The following USP34 variants were observed in gnomAD, a reference collection of about 807,000 sequenced individuals.
USP34 encodes ubiquitin specific peptidase 34, also known as ubiquitin carboxyl-terminal hydrolase 34.
Under a neutral mutation model 460.3 loss-of-function variants are expected in USP34, and 70 were observed. That is an observed-to-expected ratio of 0.15 (90% CI 0.13 to 0.19). USP34 has a LOEUF of 0.19. Among genes scored for constraint, USP34 ranks in the 10% least tolerant of loss-of-function variants. The pLI is 1.00. For synonymous variants in USP34, 1,647 were observed against 1,405.3 expected, an observed-to-expected ratio of 1.17 and a Z score of -3.85; for missense variants, 3,985 against 4,236.2, an observed-to-expected ratio of 0.94 and a Z score of 1.65.
intron 44 of USP34, among the ~76,000 whole-genome samples, chr2:61,258,917 A>G (rs1224216331): frequency 6.6e-6 from 1 of 152,228 alleles, no homozygotes; most frequent in African/African-American, 2.4e-5. Context: ...AACAGAATGT[A>G]GACAACTGAG....
At chr2:61,245,567 C>T (rs981222114) in intron 50 of USP34, among the ~76,000 whole-genome samples, 12 of 151,180 alleles carry the variant, frequency 7.9e-5, no homozygotes, top group Admixed American at 1.3e-4. Flanking sequence ...TAACATGTAA[C>T]GCTATTAGGA....
chr2:61,240,595 A>G (rs1336957010), intron 53 of USP34, among the ~76,000 whole-genome samples: 1 of 140,982 alleles, frequency 7.1e-6, no homozygotes, highest in African/African-American at 2.7e-5. Context: ...TTTTTTTGAG[A>G]CAGAGTTTTG....
chr2:61,394,879 G>T lies in USP34; in HGVS notation c.727C>A (p.His243Asn). The T allele has an allele frequency of 1.3e-6, 2 of 1,593,016 alleles. No homozygotes were observed. Among genetic ancestry groups the T allele is most frequent in the South Asian group, 1.2e-5 (1 of 86,016 alleles). Residue 243 changes from histidine (H) to asparagine (N), a missense_variant, in exon 5 of 80, where the codon CAT becomes AAT. Physicochemically the swap from His to Asn is moderately conservative, Grantham distance 68 (BLOSUM62 1). Around this residue, in one of 14 missense-constraint regions of USP34, gnomAD observed 331 missense variants for 293.7 expected, o/e 1.13. Transcript: ENST00000398571. ...TPETLPFLIA[H>N]AFITVVSNIR... ...TTAGACACAACTGTAATAAACGCATGTGCTATAAGAAATGGCAAAGTTTCA... is the reference window on the plus strand; with the variant it reads ...TTAGACACAACTGTAATAAACGCATTTGCTATAAGAAATGGCAAAGTTTCA...
At chr2:61,269,158 T>C (rs373637820) in intron 41 of USP34, among the ~76,000 whole-genome samples, 7 of 152,008 alleles carry the variant, frequency 4.6e-5, no homozygotes. Context: ...TTTAGCTAAG[T>C]AAAATTTCAG....
chr2:61,385,109 AAAT>A (rs1335004805), intron 5 of USP34, among the ~76,000 whole-genome samples: 4 of 152,144 alleles, frequency 2.6e-5, no homozygotes, highest in African/African-American at 9.7e-5. Flanking sequence ...TCCTGAGAAC[AAAT>A]AATACAGTTT....
chr2:61,333,482 G>T (rs930330159), intron 19 of USP34, among the ~76,000 whole-genome samples: 2 of 152,040 alleles, frequency 1.3e-5, no homozygotes, highest in Non-Finnish European at 2.9e-5. Flanking sequence ...TACTCAACCT[G>T]TAATAAGGTA....
At position 61,301,284 on chromosome 2, in the gene USP34, A is replaced by G. The variant is rs966932996; in HGVS notation, c.3918+70T>C. The stretch of plus-strand genomic sequence containing the variant: ...AAGCAATAAGAGCTGTTTTTAAACT[A>G]CATCTGCGACTATTCAACTGATGAT... On this transcript the variant is annotated intron_variant, in intron 28 of 79. Transcript: ENST00000398571. 1.0e-5 allele frequency: 16 copies of G among 1,539,132 alleles called. 1 individual carries two copies. The highest frequency in any genetic ancestry group is 6.9e-5 in the African/African-American group (5 of 72,464).
chr2:61,286,481 C>G (rs766710829), intron 34 of USP34, among the ~76,000 whole-genome samples: 41 of 152,218 alleles, frequency 2.7e-4, no homozygotes, highest in Non-Finnish European at 5.3e-4. Flanking sequence ...GATGGCAAAA[C>G]CCCGTCTCTA....
At chr2:61,354,581 C>A (rs998375878) in intron 10 of USP34, among the ~76,000 whole-genome samples, 8 of 152,152 alleles carry the variant, frequency 5.3e-5, no homozygotes, top group Non-Finnish European at 1.0e-4. Context: ...TCCAGCCTCC[C>A]GCTGCTCAAT....
intron 1 of USP34, among the ~76,000 whole-genome samples, chr2:61,453,241 T>C (rs1274762661): frequency 2.6e-5 from 4 of 151,930 alleles, no homozygotes; most frequent in South Asian, 4.1e-4. Context: ...TGAAACCCCA[T>C]CTGTACTAAA....
intron 1 of USP34, among the ~76,000 whole-genome samples, chr2:61,468,118 G>A (rs924262871): frequency 6.6e-6 from 1 of 152,012 alleles, no homozygotes; most frequent in Non-Finnish European, 1.5e-5. Flanking sequence ...CCACGGATAA[G>A]CAAAGAACTA....
At position 61,229,636 on chromosome 2, in the gene USP34, G is replaced by A. The variant is rs767815857; in HGVS notation, c.7114-3C>T. On this transcript the variant is annotated splice_polypyrimidine_tract_variant and splice_region_variant and intron_variant, in intron 58 of 79. Coordinates refer to ENST00000398571, the MANE Select transcript of USP34 (RefSeq NM_014709.4). ...TGGATACACAAACGCTGAAACATCT[G>A]TGAAGAAAGAAAAAGATCAAACAAG... The A allele has an allele frequency of 6.2e-7, 1 of 1,609,972 alleles. No homozygotes were observed. The highest frequency in any genetic ancestry group is 2.2e-5 in the East Asian group (1 of 44,786).
Position 61,206,777 on chromosome 2 carries a change from G to T in USP34, c.9029C>A (p.Pro3010His). 6.2e-7 allele frequency: 1 copy of T among 1,613,586 alleles called. No individual in the cohort carries two copies. The highest frequency in any genetic ancestry group is 8.5e-7 in the Non-Finnish European group (1 of 1,179,714). Residue 3010 changes from proline (P) to histidine (H), a missense_variant, in exon 71 of 80, where the codon CCT becomes CAT. By Grantham distance (77) the Pro-to-His change is moderately conservative (BLOSUM62 -2). Around this residue, in one of 14 missense-constraint regions of USP34, gnomAD observed 275 missense variants for 292.7 expected, o/e 0.94. Transcript: ENST00000398571. ...GAGCAAACCTTTTCTCTGAAGATAA[G>T]GGCGTGTAGACTTCAAAACCGAAAG... ...IFLSVLKSTR[P>H]YLQRKDVKQA...
At chr2:61,466,160 C>A (rs1695756677) in intron 1 of USP34, among the ~76,000 whole-genome samples, 1 of 152,140 alleles carries the variant, frequency 6.6e-6, no homozygotes, top group Non-Finnish European at 1.5e-5. Flanking sequence ...CATGGTGGCT[C>A]ATGCCTATAA....
chr2:61,282,294 T>A (rs1281894676), intron 37 of USP34, among the ~76,000 whole-genome samples: 1 of 152,176 alleles, frequency 6.6e-6, no homozygotes, highest in Non-Finnish European at 1.5e-5. Context: ...CTAATATTAT[T>A]AGACAACGCA....
intron 65 of USP34, 182 bp from the exon 66 acceptor site, chr2:61,221,788 A>T (rs923574128): frequency 4.2e-6 from 2 of 479,596 alleles, no homozygotes; most frequent in African/African-American, 2.0e-5. Context: ...GAGGGGTACA[A>T]AGTCAACCGG....
At chr2:61,378,478 TTTGTC>T in intron 7 of USP34, 54 bp from the exon 8 acceptor site, 1 of 1,240,352 alleles carries the variant, frequency 8.1e-7, no homozygotes. Flanking sequence ...TATTCTTGCA[TTTGTC>T]AGCAAATACT....
intron 37 of USP34, among the ~76,000 whole-genome samples, chr2:61,281,613 ATAAT>A (rs942510618): frequency 3.3e-5 from 5 of 152,248 alleles, no homozygotes; most frequent in African/African-American, 9.6e-5. Flanking sequence ...CCTCATAAAA[ATAAT>A]TAATAAATAT....
chr2:61,417,313 T>C, intron 2 of USP34: 1 of 718,466 alleles, frequency 1.4e-6, no homozygotes, highest in Non-Finnish European at 2.5e-6. Context: ...AGGAAGCTGC[T>C]GTTTACAGCC....
Sources: allele counts gnomAD v4.1 joint callset (sites outside exome capture counted in the v4.1 genomes callset), GRCh38; gene constraint gnomAD v4.1.1; regional missense constraint gnomAD v4.1.1; transcripts MANE v1.5; gene names NCBI Gene and HGNC (gene_info 2026-07-23, HGNC 2026-07-21).